NCR1: variants seen among roughly 807,000 people sequenced by gnomAD.
The protein encoded by NCR1 is natural cytotoxicity triggering receptor 1, also known as NK cell-activating receptor.
A neutral mutation model predicts 32.5 loss-of-function variants in NCR1; 30 were observed. The observed-to-expected ratio is 0.92, with a 90% CI of 0.69 to 1.25. The LOEUF (loss-of-function observed/expected upper bound fraction) is 1.25. NCR1 is among the 50% of genes most tolerant of loss of function. The pLI, the probability that NCR1 is intolerant of heterozygous loss-of-function variation, is 0.00. For synonymous variants in NCR1, 169 were observed against 143.4 expected, an observed-to-expected ratio of 1.18 and a Z score of -1.28; for missense variants, 369 against 380.7, an observed-to-expected ratio of 0.97 and a Z score of 0.26.
At chr19:54,907,085 A>C (rs2067670060) in intron 3 of NCR1, among the ~76,000 whole-genome samples, 1 of 151,716 alleles carries the variant, frequency 6.6e-6, no homozygotes, top group Admixed American at 6.6e-5. Flanking sequence ...GTCCTCAAAA[A>C]CAATGCCTGT....
chr19:54,906,961 G>C (rs1234771862), intron 3 of NCR1, among the ~76,000 whole-genome samples, 154 bp downstream of exon 3: 1 of 152,140 alleles, frequency 6.6e-6, no homozygotes, highest in Non-Finnish European at 1.5e-5. Context: ...TGCCTACAAG[G>C]GGTTGTCTGC....
chr19:54,900,797 G>A, the NCR1 span, among the ~76,000 whole-genome samples: 5 of 152,144 alleles, frequency 3.3e-5, no homozygotes, highest in African/African-American at 1.2e-4. Context: ...CCGGGAGAGT[G>A]AGGGGATCGT....
intron 4 of NCR1, 136 bp from the exon 5 acceptor site, chr19:54,909,882 C>G: frequency 1.3e-6 from 1 of 744,150 alleles, no homozygotes; most frequent in Non-Finnish European, 2.1e-6. Context: ...TTGTAGTGAA[C>G]CGAGATCATA....
At chr19:54,936,370 T>C in the NCR1 span, 9 of 1,614,114 alleles carry the variant, frequency 5.6e-6, no homozygotes, top group Non-Finnish European at 7.6e-6. Flanking sequence ...GTGAGGGTCT[T>C]CTTCCCAATG....
downstream of NCR1, among the ~76,000 whole-genome samples, chr19:54,917,881 GC>G (rs1278486074): frequency 1.3e-5 from 2 of 152,164 alleles, no homozygotes; most frequent in Non-Finnish European, 2.9e-5. Flanking sequence ...AGGGACAAAG[GC>G]AGGGTTACGA....
chr19:54,916,808 G>A (rs944023336), downstream of NCR1, among the ~76,000 whole-genome samples: 10 of 145,148 alleles, frequency 6.9e-5, no homozygotes, highest in African/African-American at 1.3e-4. Context: ...GGGTTCAAGC[G>A]ATTCTCCTGC....
At chr19:54,914,358 C>G (rs1423748294), downstream of NCR1, among the ~76,000 whole-genome samples, 2 of 151,864 alleles carry the variant, frequency 1.3e-5, no homozygotes, top group Non-Finnish European at 2.9e-5. Context: ...CTATCCCTTC[C>G]CCCGAGTTTC....
the NCR1 span, among the ~76,000 whole-genome samples, chr19:54,926,940 A>T: frequency 1.4e-5 from 2 of 140,456 alleles, no homozygotes; most frequent in East Asian, 4.2e-4. Flanking sequence ...AAAAAAAAAA[A>T]TTAGCCAGCT....
chr19:54,912,550 G>C, intron 6 of NCR1, 140 bp from the exon 7 acceptor site: 1 of 697,372 alleles, frequency 1.4e-6, no homozygotes, highest in African/African-American at 1.9e-5. Flanking sequence ...AGTGAGCCGA[G>C]ATCGTGCCAT....
At chr19:54,931,112 G>A in the NCR1 span, among the ~76,000 whole-genome samples, 1 of 152,182 alleles carries the variant, frequency 6.6e-6, no homozygotes, top group Admixed American at 6.6e-5. Flanking sequence ...TATACTTCCA[G>A]GTGGGCTTGC....
the NCR1 span, among the ~76,000 whole-genome samples, chr19:54,934,847 T>C: frequency 5.1e-4 from 78 of 152,120 alleles, no homozygotes; most frequent in Non-Finnish European, 7.7e-4. The surrounding 1 kb of genome is among the most constrained non-coding windows in gnomAD (Gnocchi z 6.7). Flanking sequence ...GTAGCTGGGA[T>C]TACAGGCATT....
downstream of NCR1, among the ~76,000 whole-genome samples, chr19:54,919,631 T>C (rs2068203247): frequency 6.6e-6 from 1 of 151,152 alleles, no homozygotes; most frequent in Non-Finnish European, 1.5e-5. Flanking sequence ...TCCGGATAAC[T>C]GCGGGCGAGC....
chr19:54,904,508 C>T (rs1389432596), upstream of NCR1, among the ~76,000 whole-genome samples: 1 of 145,558 alleles, frequency 6.9e-6, no homozygotes, highest in African/African-American at 2.5e-5. Flanking sequence ...TAAGTGAGAA[C>T]ATGTGGTATT....
At chr19:54,927,808 C>T in the NCR1 span, 2 of 1,601,110 alleles carry the variant, frequency 1.2e-6, no homozygotes, top group Non-Finnish European at 1.7e-6. Flanking sequence ...TCCACGCATT[C>T]ACTGAGCAGG....
downstream of NCR1, chr19:54,916,261 C>G (rs1481743453): frequency 1.3e-5 from 2 of 151,020 alleles, no homozygotes; most frequent in Non-Finnish European, 2.9e-5. Flanking sequence ...TAACCATAAT[C>G]GCCATCCCAT....
intron 3 of NCR1, among the ~76,000 whole-genome samples, chr19:54,908,262 C>G (rs1247252770): frequency 6.6e-6 from 1 of 152,084 alleles, no homozygotes; most frequent in Non-Finnish European, 1.5e-5. Flanking sequence ...CCATTTAACC[C>G]TGAGTGGACA....
At chr19:54,934,612 TAGA>T in the NCR1 span, 7 of 1,614,004 alleles carry the variant, frequency 4.3e-6, no homozygotes, top group Non-Finnish European at 5.9e-6. This position sits in a 1 kb window ranked among gnomAD's most constrained non-coding sequence, Gnocchi z 6.7. Context: ...TTTGAGGACA[TAGA>T]AGAATTCAGC....
chr19:54,914,286 G>C (rs899213416), downstream of NCR1, among the ~76,000 whole-genome samples: 3 of 144,110 alleles, frequency 2.1e-5, no homozygotes, highest in African/African-American at 7.8e-5. Context: ...ATGTATACAT[G>C]TGCCATGTTG....
the NCR1 span, among the ~76,000 whole-genome samples, chr19:54,931,841 T>TCA: frequency 0.3 from 45,034 of 148,242 alleles, 7,036 homozygotes; most frequent in East Asian, 0.41. Context: ...AGAGAGAGAC[T>TCA]GTTAAAAAAA....
Sources: gnomAD v4.1 joint callset for allele counts (sites outside exome capture counted in the v4.1 genomes callset) on GRCh38, gnomAD v4.1.1 for gene constraint, Gnocchi (gnomAD v3.1) non-coding constraint, MANE v1.5 for transcripts, NCBI Gene and HGNC (gene_info 2026-07-23, HGNC 2026-07-21) for gene names.